Variants in PHKB observed in about 807,000 individuals in gnomAD.
The protein encoded by PHKB is phosphorylase b kinase regulatory subunit beta.
Under a neutral mutation model 152.1 loss-of-function variants are expected in PHKB, and 122 were observed. The ratio of observed to expected loss-of-function variants is 0.80; its 90% confidence interval spans 0.69 to 0.93. The LOEUF (loss-of-function observed/expected upper bound fraction) is 0.93, where lower values mean the gene tolerates loss of function less well. PHKB is among the 40% of genes least tolerant of loss of function. The pLI, the probability that PHKB is intolerant of heterozygous loss-of-function variation, is 0.00. For synonymous variants in PHKB, 436 were observed against 464.9 expected, an observed-to-expected ratio of 0.94 and a Z score of 0.80; for missense variants, 1,304 against 1,328.4, an observed-to-expected ratio of 0.98 and a Z score of 0.29.
At chr16:47,477,399 G>A (rs957832751) in intron 1 of PHKB, among the ~76,000 whole-genome samples, 10 of 152,200 alleles carry the variant, frequency 6.6e-5, no homozygotes, top group African/African-American at 4.8e-5. Context: ...AATCATGTTC[G>A]AAGATTAGTA....
At chr16:47,499,006 G>C (rs1266708463) in intron 2 of PHKB, among the ~76,000 whole-genome samples, 2 of 152,146 alleles carry the variant, frequency 1.3e-5, no homozygotes, top group Non-Finnish European at 2.9e-5. Flanking sequence ...ATAGTTTTTA[G>C]TAAATGTAAT....
At chr16:47,530,942 G>A (rs1970851707) in intron 6 of PHKB, among the ~76,000 whole-genome samples, 1 of 152,132 alleles carries the variant, frequency 6.6e-6, no homozygotes, top group African/African-American at 2.4e-5. Flanking sequence ...AATGGAATTT[G>A]AGAAACTCAT....
chr16:47,659,263 C>T (rs746108655), intron 20 of PHKB, among the ~76,000 whole-genome samples: 4 of 152,098 alleles, frequency 2.6e-5, no homozygotes, highest in Non-Finnish European at 5.9e-5. Context: ...TATGAGTTTC[C>T]GCTAGAGGAG....
At chr16:47,472,926 C>A (rs370897472) in intron 1 of PHKB, among the ~76,000 whole-genome samples, 19 of 151,968 alleles carry the variant, frequency 1.3e-4, no homozygotes, top group African/African-American at 4.6e-4. Context: ...CAGAGTGAGA[C>A]CCTGTCTCAA....
Position 47,545,587 on chromosome 16 carries a change from C to T in PHKB, c.595-1846C>T, listed in dbSNP as rs144721941. Among the ~76,000 whole-genome samples, 796 of 152,254 alleles carry T rather than the reference C, an allele frequency of 5.2e-3. 5 individuals carry two copies. The highest frequency in any genetic ancestry group is 7.6e-3 in the Non-Finnish European group (516 of 68,020). On this transcript the variant is annotated intron_variant, in intron 6 of 30. Transcript: ENST00000323584. ...TTATGTGTCTTGAGGTTGCTCTTTT[C>T]GAGGAGTATCTTTGTGGTGTTCTCT...
intron 14 of PHKB, among the ~76,000 whole-genome samples, chr16:47,638,185 G>A (rs1972955755): frequency 6.6e-6 from 1 of 152,106 alleles, no homozygotes; most frequent in South Asian, 2.1e-4. Flanking sequence ...TTAAAAAGAT[G>A]TTCAGAATCA....
intron 5 of PHKB, among the ~76,000 whole-genome samples, chr16:47,514,829 T>C (rs1214493075): frequency 6.6e-6 from 1 of 152,238 alleles, no homozygotes; most frequent in African/African-American, 2.4e-5. Context: ...TAAAGTGATA[T>C]TAGTATTTTT....
chr16:47,581,521 T>C (rs1971845218), intron 8 of PHKB, among the ~76,000 whole-genome samples: 1 of 151,996 alleles, frequency 6.6e-6, no homozygotes, highest in Non-Finnish European at 1.5e-5. Context: ...CCAGTGAGTA[T>C]GGCTATTTAA....
Position 47,669,332 on chromosome 16 carries a change from A to G in PHKB, c.2545A>G (p.Ile849Val). The G allele has an allele frequency of 6.2e-7, 1 of 1,614,172 alleles. No individual in the cohort carries two copies. Among genetic ancestry groups the G allele is most frequent in the Non-Finnish European group, 8.5e-7 (1 of 1,179,990 alleles). The change falls in exon 26 of 31, where the codon ATT (isoleucine) becomes GTT (valine). Residue 849 changes from isoleucine (I) to valine (V), a missense_variant. Physicochemically the swap from Ile to Val is conservative, Grantham distance 29 (BLOSUM62 3). Coordinates refer to ENST00000323584, the MANE Select transcript of PHKB (RefSeq NM_000293.3). ...CNTHDEREAV[I>V]QQELVIHIGW... ...CACCCATGATGAGAGGGAAGCGGTC[A>G]TTCAGCAAGAACTGGTCATCCATAT... is the stretch of plus-strand genomic sequence containing the variant.
At chr16:47,554,934 G>A (rs1597081184) in intron 7 of PHKB, among the ~76,000 whole-genome samples, 1 of 152,296 alleles carries the variant, frequency 6.6e-6, no homozygotes, top group East Asian at 1.9e-4. Flanking sequence ...GTCTTGCTGG[G>A]AGCTGCAGAC....
intron 7 of PHKB, among the ~76,000 whole-genome samples, chr16:47,573,939 A>G (rs1270920655): frequency 6.6e-6 from 1 of 151,800 alleles, no homozygotes; most frequent in East Asian, 1.9e-4. Context: ...TTTCTTTTAT[A>G]TGTGAAGTCT....
At chr16:47,528,064 A>G (rs1471706120) in intron 6 of PHKB, among the ~76,000 whole-genome samples, 2 of 152,268 alleles carry the variant, frequency 1.3e-5, no homozygotes, top group Admixed American at 6.5e-5. Flanking sequence ...AGAAAGAAAT[A>G]GAATAATGAA....
At chr16:47,610,524 A>G (rs1972407589) in intron 13 of PHKB, among the ~76,000 whole-genome samples, 1 of 151,970 alleles carries the variant, frequency 6.6e-6, no homozygotes, top group Non-Finnish European at 1.5e-5. Flanking sequence ...TTGACCCATT[A>G]GTTATTTAGT....
At chr16:47,633,868 C>G (rs574926271) in intron 14 of PHKB, among the ~76,000 whole-genome samples, 51 of 152,286 alleles carry the variant, frequency 3.3e-4, no homozygotes, top group African/African-American at 1.2e-3. Context: ...TTTACTAACT[C>G]TTCTCTGTCT....
At chr16:47,468,457 G>C (rs1289060932) in intron 1 of PHKB, among the ~76,000 whole-genome samples, 1 of 152,228 alleles carries the variant, frequency 6.6e-6, no homozygotes, top group Non-Finnish European at 1.5e-5. Context: ...TTCGAGATCA[G>C]CCTGGCCAAC....
intron 1 of PHKB, among the ~76,000 whole-genome samples, chr16:47,475,459 G>A (rs1298532517): frequency 6.6e-6 from 1 of 152,052 alleles, no homozygotes; most frequent in African/African-American, 2.4e-5. Context: ...TTGAGTAACG[G>A]AACATTCTAT....
At chr16:47,684,728 C>A (rs1243995581) in intron 26 of PHKB, among the ~76,000 whole-genome samples, 1 of 151,858 alleles carries the variant, frequency 6.6e-6, no homozygotes, top group Non-Finnish European at 1.5e-5. Flanking sequence ...GATCATGCCA[C>A]TACACTCCAG....
intron 14 of PHKB, among the ~76,000 whole-genome samples, chr16:47,638,153 G>T (rs1972954942): frequency 1.3e-5 from 2 of 152,136 alleles, no homozygotes; most frequent in African/African-American, 2.4e-5. Flanking sequence ...TAAAGAAGGT[G>T]TTAAGTCACC....
At chr16:47,522,544 T>A (rs543091542) in intron 6 of PHKB, among the ~76,000 whole-genome samples, 21 of 151,920 alleles carry the variant, frequency 1.4e-4, no homozygotes, top group African/African-American at 2.9e-4. Context: ...TTATTTATTT[T>A]TTTTTTAGTC....
Sources: allele counts gnomAD v4.1 joint callset (sites outside exome capture counted in the v4.1 genomes callset), GRCh38; gene constraint gnomAD v4.1.1; transcripts MANE v1.5; gene names NCBI Gene and HGNC (gene_info 2026-07-23, HGNC 2026-07-21).